BNC2: variants seen among roughly 807,000 people sequenced by gnomAD.
BNC2 encodes the protein zinc finger protein basonuclin-2.
A neutral mutation model predicts 76.3 loss-of-function variants in BNC2; 20 were observed. The observed-to-expected ratio is 0.26, with a 90% CI of 0.18 to 0.38. The LOEUF (loss-of-function observed/expected upper bound fraction) is 0.38. BNC2 is among the 10% of genes least tolerant of loss of function. BNC2 has a pLI of 1.00. For synonymous variants in BNC2, 582 were observed against 514.8 expected (o/e 1.13, Z -1.77); for missense variants, 1,382 against 1,399.8 (o/e 0.99, Z 0.20).
At chr9:16,806,665 G>A (rs1412726939) in intron 1 of BNC2, among the ~76,000 whole-genome samples, 3 of 152,176 alleles carry the variant, frequency 2.0e-5, no homozygotes, top group Non-Finnish European at 4.4e-5. Context: ...CTCTGCTTAA[G>A]TAACAGCCTT....
At chr9:16,478,039 A>G (rs1367842662) in intron 5 of BNC2, among the ~76,000 whole-genome samples, 1 of 152,176 alleles carries the variant, frequency 6.6e-6, no homozygotes, top group Non-Finnish European at 1.5e-5. Flanking sequence ...AGGCAGGAAA[A>G]AAAACCCAGC....
At chr9:16,614,170 A>G (rs1389870384) in intron 3 of BNC2, among the ~76,000 whole-genome samples, 2 of 152,232 alleles carry the variant, frequency 1.3e-5, no homozygotes, top group Non-Finnish European at 2.9e-5. Context: ...AGCCTGAAGA[A>G]AAAATACAAA....
intron 6 of BNC2, among the ~76,000 whole-genome samples, chr9:16,428,821 G>C (rs1667500368): frequency 6.6e-6 from 1 of 152,142 alleles, no homozygotes; most frequent in South Asian, 2.1e-4. Flanking sequence ...AGGTGTAACA[G>C]CTTTTTACCA....
chr9:16,561,725 A>C (rs1563840566), intron 4 of BNC2, among the ~76,000 whole-genome samples: 1 of 152,234 alleles, frequency 6.6e-6, no homozygotes, highest in East Asian at 1.9e-4. Flanking sequence ...TTAATAGGCC[A>C]GCTGTGGTGG....
chr9:16,684,741 A>G (rs185608242), intron 3 of BNC2, among the ~76,000 whole-genome samples: 1 of 152,278 alleles, frequency 6.6e-6, no homozygotes, highest in East Asian at 1.9e-4. Flanking sequence ...GCATCTTTGC[A>G]TTGGCACACA....
Position 16,416,471 on chromosome 9 carries a change from G to A in BNC2, c.*2518C>T, listed in dbSNP as rs1259651903. 6.6e-6 allele frequency: 1 copy of A among 152,396 alleles called. No homozygotes were observed. The highest frequency in any genetic ancestry group is 1.5e-5 in the Non-Finnish European group (1 of 67,984). The allele number at this position is 152,396 out of a possible 1,614,324, so 9.4% of individuals were successfully genotyped here. A position where few individuals can be genotyped will look rare whatever the true frequency, so the allele number is the denominator to read the frequency against. On this transcript the variant is annotated 3_prime_UTR_variant, in exon 7 of 7. Coordinates refer to ENST00000380672, the MANE Select transcript of BNC2 (RefSeq NM_017637.6). ...AAACATACTGTACAGAGTCTTATAT[G>A]GTATAAAACAAAGGAAAACATCTGT... is the stretch of plus-strand genomic sequence containing the variant.
At chr9:16,607,973 C>T (rs916628824) in intron 3 of BNC2, among the ~76,000 whole-genome samples, 1 of 152,100 alleles carries the variant, frequency 6.6e-6, no homozygotes, top group Non-Finnish European at 1.5e-5. Flanking sequence ...TTCCAGGTAT[C>T]CAAAAACCCC....
rs1189967633 is a variant in BNC2, at chr9:16,773,514, A to G, written c.4-35029T>C. On this transcript the variant is annotated intron_variant, in intron 1 of 6. Transcript: ENST00000380672. ...GAGGACTACACGTCATGCAATCAGA[A>G]AAAAAAAAAAAAAAGGTGAGGGACA... 8.0e-3 allele frequency among the ~76,000 whole-genome samples: 382 copies of G among 47,886 alleles called. 3 individuals are homozygous for G. Among genetic ancestry groups the G allele is most frequent in the Non-Finnish European group, 0.026 (195 of 7,540 alleles). 31.4% of individuals were successfully genotyped at this position (47,886 alleles called of 152,430 possible). A position where few individuals can be genotyped will look rare whatever the true frequency, so the allele number is the denominator to read the frequency against.
intron 3 of BNC2, among the ~76,000 whole-genome samples, chr9:16,646,108 T>C (rs905379072): frequency 1.3e-5 from 2 of 152,170 alleles, no homozygotes; most frequent in Admixed American, 6.5e-5. Flanking sequence ...TAAGTGAGGA[T>C]AGCAAAAGTT....
chr9:16,539,769 GAAA>G (rs1818258771), intron 5 of BNC2, among the ~76,000 whole-genome samples: 4 of 49,540 alleles, frequency 8.1e-5, no homozygotes, highest in African/African-American at 6.0e-4. Flanking sequence ...GAAAGGAAAA[GAAA>G]GGAAAGGAAA....
chr9:16,672,687 G>A (rs930466189), intron 3 of BNC2, among the ~76,000 whole-genome samples: 1 of 152,134 alleles, frequency 6.6e-6, no homozygotes, highest in African/African-American at 2.4e-5. Context: ...ACAAACTCCA[G>A]CCATCAGGCT....
At chr9:16,483,398 T>C (rs1822099436) in intron 5 of BNC2, among the ~76,000 whole-genome samples, 1 of 152,212 alleles carries the variant, frequency 6.6e-6, no homozygotes, top group South Asian at 2.1e-4. Context: ...TCAAATACTA[T>C]AAAGCTATGT....
At chr9:16,605,256 A>G (rs111239948) in intron 3 of BNC2, among the ~76,000 whole-genome samples, 1 of 152,360 alleles carries the variant, frequency 6.6e-6, no homozygotes, top group African/African-American at 2.4e-5. Flanking sequence ...CATATTTCAT[A>G]TATTATCTGC....
At chr9:16,551,696 G>C (rs765016399) in intron 5 of BNC2, among the ~76,000 whole-genome samples, 17 of 152,202 alleles carry the variant, frequency 1.1e-4, no homozygotes, top group Admixed American at 2.6e-4. Context: ...CCAAAATGCT[G>C]TTCTCAACAT....
At position 16,414,860 on chromosome 9, in the gene BNC2, G is replaced by A. The variant is rs1009744599; in HGVS notation, c.*4129C>T. On this transcript the variant is annotated 3_prime_UTR_variant, in exon 7 of 7. Coordinates refer to ENST00000380672, the MANE Select transcript of BNC2 (RefSeq NM_017637.6). Reference sequence around the variant, plus strand: ...TCACATTGTATTTGGTGGGAACCTAGTGCATAGTTTCTCCTGAGGAGAAGC... The same window carrying A: ...TCACATTGTATTTGGTGGGAACCTAATGCATAGTTTCTCCTGAGGAGAAGC... 1 of 151,740 alleles carries A rather than the reference G, an allele frequency of 6.6e-6. No individual in the cohort carries two copies. Among genetic ancestry groups the A allele is most frequent in the South Asian group, 2.1e-4 (1 of 4,810 alleles). The allele number at this position is 151,740 out of a possible 1,614,324, so 9.4% of individuals were successfully genotyped here.
At chr9:16,826,044 C>T (rs1395651158) in intron 1 of BNC2, among the ~76,000 whole-genome samples, 1 of 152,110 alleles carries the variant, frequency 6.6e-6, no homozygotes, top group Non-Finnish European at 1.5e-5. Flanking sequence ...TGACGAGGGA[C>T]ACAAATCCCC....
At chr9:16,506,341 G>A (rs918605092) in intron 5 of BNC2, among the ~76,000 whole-genome samples, 8 of 152,002 alleles carry the variant, frequency 5.3e-5, no homozygotes, top group Non-Finnish European at 2.9e-5. Context: ...GGAAAGTCCT[G>A]GATATAACTA....
chr9:16,862,648 G>C (rs1819439346), intron 1 of BNC2, among the ~76,000 whole-genome samples: 1 of 152,172 alleles, frequency 6.6e-6, no homozygotes, highest in Non-Finnish European at 1.5e-5. Flanking sequence ...CTACTGCCAT[G>C]TATTCCTCTC....
chr9:16,712,171 T>C (rs1376668389), intron 3 of BNC2, among the ~76,000 whole-genome samples: 1 of 152,190 alleles, frequency 6.6e-6, no homozygotes, highest in African/African-American at 2.4e-5. Flanking sequence ...CAAAACTATG[T>C]CAAGTATAGC....
Sources: allele counts gnomAD v4.1 joint callset (sites outside exome capture counted in the v4.1 genomes callset), GRCh38; gene constraint gnomAD v4.1.1; transcripts MANE v1.5; gene names NCBI Gene and HGNC (gene_info 2026-07-23, HGNC 2026-07-21).